GRIK1: variants seen among roughly 807,000 people sequenced by gnomAD.
GRIK1 encodes glutamate ionotropic receptor kainate type subunit 1.
A neutral mutation model predicts 105.7 loss-of-function variants in GRIK1; 69 were observed. The ratio of observed to expected loss-of-function variants is 0.65; its 90% CI spans 0.54 to 0.80. The LOEUF is 0.80. GRIK1 is among the 30% of genes least tolerant of loss of function. The probability of loss-of-function intolerance (pLI) is 0.00; values close to 1 mark genes in which losing one functional copy is unlikely to be tolerated. For missense variants in GRIK1, 1,109 were observed against 1,167.3 expected, an observed-to-expected ratio of 0.95 and a Z score of 0.73; for synonymous variants, 438 against 431.3, an observed-to-expected ratio of 1.02 and a Z score of -0.19.
intron 1 of GRIK1, among the ~76,000 whole-genome samples, chr21:29,891,964 T>A (rs2069918309): frequency 6.6e-6 from 1 of 152,230 alleles, no homozygotes; most frequent in African/African-American, 2.4e-5. Flanking sequence ...AGGTACTCAA[T>A]CTGAGCATTA....
At chr21:29,557,943 T>C (rs887941145) in intron 15 of GRIK1, among the ~76,000 whole-genome samples, 2 of 152,184 alleles carry the variant, frequency 1.3e-5, no homozygotes, top group Admixed American at 6.5e-5. Flanking sequence ...GACTGATGCT[T>C]TCCTTCTGCC....
intron 14 of GRIK1, among the ~76,000 whole-genome samples, chr21:29,574,781 G>A (rs1312747604): frequency 2.7e-5 from 4 of 147,938 alleles, no homozygotes; most frequent in African/African-American, 1.0e-4. Flanking sequence ...TCCGCCTCCC[G>A]GGTTCACGCC....
At chr21:29,654,661 C>A in intron 5 of GRIK1, 149 bp downstream of exon 5, 2 of 581,078 alleles carry the variant, frequency 3.4e-6, no homozygotes, top group Non-Finnish European at 6.2e-6. Context: ...GCCTGCTGCT[C>A]AGCATTGCTG....
intron 1 of GRIK1, among the ~76,000 whole-genome samples, chr21:29,841,122 T>C (rs992378460): frequency 6.6e-6 from 1 of 152,198 alleles, no homozygotes; most frequent in Non-Finnish European, 1.5e-5. Flanking sequence ...TTAATTTTTA[T>C]GATATTGTAT....
At chr21:29,732,679 AT>A in intron 1 of GRIK1, among the ~76,000 whole-genome samples, 1 of 152,304 alleles carries the variant, frequency 6.6e-6, no homozygotes, top group East Asian at 1.9e-4. Context: ...TTCTCAGAGG[AT>A]TGGGAGAGAA....
chr21:29,580,123 A>G (rs1410112849), intron 13 of GRIK1, among the ~76,000 whole-genome samples: 1 of 143,498 alleles, frequency 7.0e-6, no homozygotes, highest in African/African-American at 2.7e-5. Flanking sequence ...ATATATACAC[A>G]TATACACACA....
At chr21:29,800,125 G>A (rs1490987464) in intron 1 of GRIK1, among the ~76,000 whole-genome samples, 1 of 152,120 alleles carries the variant, frequency 6.6e-6, no homozygotes, top group Non-Finnish European at 1.5e-5. Flanking sequence ...GTGGGTACAT[G>A]ACAGCAAATC....
intron 1 of GRIK1, among the ~76,000 whole-genome samples, chr21:29,852,346 C>T (rs1190780393): frequency 6.6e-6 from 1 of 152,224 alleles, no homozygotes; most frequent in African/African-American, 2.4e-5. Context: ...CCTCTACCCA[C>T]TGTTCCTCCT....
At chr21:29,750,452 A>G (rs878928297) in intron 1 of GRIK1, among the ~76,000 whole-genome samples, 1 of 152,190 alleles carries the variant, frequency 6.6e-6, no homozygotes, top group Admixed American at 6.5e-5. Flanking sequence ...GGGAGAAAAG[A>G]TGTAGCAATT....
chr21:29,597,871 T>A (rs2061446440), intron 8 of GRIK1, among the ~76,000 whole-genome samples: 1 of 152,154 alleles, frequency 6.6e-6, no homozygotes, highest in South Asian at 2.1e-4. Flanking sequence ...GTGTCCTGGT[T>A]AACAAAAGCA....
At chr21:29,836,104 G>A (rs910525387) in intron 1 of GRIK1, among the ~76,000 whole-genome samples, 3 of 152,070 alleles carry the variant, frequency 2.0e-5, no homozygotes, top group African/African-American at 4.8e-5. Context: ...CATTTCAGTC[G>A]GTCAGTGCAC....
At chr21:29,744,704 T>C (rs969653184) in intron 1 of GRIK1, among the ~76,000 whole-genome samples, 2 of 152,216 alleles carry the variant, frequency 1.3e-5, no homozygotes, top group African/African-American at 4.8e-5. Flanking sequence ...TCTTGTTATC[T>C]GTTCTTTCCA....
intron 7 of GRIK1, among the ~76,000 whole-genome samples, chr21:29,605,291 C>T (rs909463920): frequency 6.6e-6 from 1 of 152,158 alleles, no homozygotes; most frequent in Non-Finnish European, 1.5e-5. Context: ...CATTCAACTC[C>T]CACTTATAAG....
intron 1 of GRIK1, among the ~76,000 whole-genome samples, chr21:29,780,482 A>T (rs1358100767): frequency 1.3e-5 from 2 of 152,218 alleles, no homozygotes; most frequent in South Asian, 2.1e-4. Flanking sequence ...ATTAAAGCCA[A>T]CAAGTACCCC....
At chr21:29,626,013 G>T (rs2062121356) in intron 7 of GRIK1, among the ~76,000 whole-genome samples, 1 of 152,118 alleles carries the variant, frequency 6.6e-6, no homozygotes, top group Non-Finnish European at 1.5e-5. Context: ...GGTAATTAGG[G>T]TTAAATGAGG....
At chr21:29,590,949 C>T (rs1270280518) in intron 10 of GRIK1, among the ~76,000 whole-genome samples, 163 bp downstream of exon 10, 2 of 152,172 alleles carry the variant, frequency 1.3e-5, no homozygotes, top group Non-Finnish European at 2.9e-5. Context: ...GCGTCTAATT[C>T]AATCTTCCTG....
intron 3 of GRIK1, among the ~76,000 whole-genome samples, chr21:29,685,211 T>A (rs1008256098): frequency 6.6e-6 from 1 of 152,242 alleles, no homozygotes. Flanking sequence ...AAACAACGTA[T>A]TGCAGAAGCC....
chr21:29,790,765 C>A (rs1187137193), intron 1 of GRIK1, among the ~76,000 whole-genome samples: 3 of 152,190 alleles, frequency 2.0e-5, no homozygotes, highest in Non-Finnish European at 1.5e-5. Flanking sequence ...GTAGATTCAC[C>A]TTATTCACCT....
At chr21:29,766,518 G>A (rs1190206314) in intron 1 of GRIK1, among the ~76,000 whole-genome samples, 6 of 152,176 alleles carry the variant, frequency 3.9e-5, no homozygotes, top group Non-Finnish European at 8.8e-5. Flanking sequence ...AGACCTGGTT[G>A]AGAGGCCTGC....
Sources: gnomAD v4.1 joint callset for allele counts (sites outside exome capture counted in the v4.1 genomes callset) on GRCh38, gnomAD v4.1.1 for gene constraint, MANE v1.5 for transcripts, NCBI Gene and HGNC (gene_info 2026-07-23, HGNC 2026-07-21) for gene names.